The following PI4K2A variants were observed in gnomAD, a reference collection of about 807,000 sequenced individuals.
PI4K2A encodes phosphatidylinositol 4-kinase type 2 alpha.
A neutral mutation model predicts 55.0 loss-of-function variants in PI4K2A; 20 were observed. The observed-to-expected ratio is 0.36, with a 90% CI of 0.26 to 0.53. The LOEUF is 0.53. PI4K2A is among the 20% of genes least tolerant of loss of function. The pLI is 0.91. For missense variants in PI4K2A, 463 were observed against 637.1 expected (o/e 0.73, Z 2.94); for synonymous variants, 235 against 258.5 (o/e 0.91, Z 0.87).
intron 2 of PI4K2A, among the ~76,000 whole-genome samples, chr10:97,654,407 A>G (rs527322767): frequency 1.4e-4 from 22 of 152,230 alleles, no homozygotes; most frequent in African/African-American, 5.3e-4. Context: ...TAGGTAGTCT[A>G]TTAATACTAG....
At chr10:97,663,255 C>G (rs528803714) in intron 5 of PI4K2A, among the ~76,000 whole-genome samples, 4 of 152,300 alleles carry the variant, frequency 2.6e-5, no homozygotes, top group South Asian at 2.1e-4. Context: ...TAGTAAAGGT[C>G]TGAGAAGTAC....
exon 1 of PI4K2A, chr10:97,640,919 G>T: frequency 7.6e-7 from 1 of 1,317,208 alleles, no homozygotes. Flanking sequence ...GCGAGCGGCA[G>T]CCACTGTTGG....
chr10:97,675,809 C>T (rs1043442033), exon 9 of PI4K2A: 2 of 152,712 alleles, frequency 1.3e-5, no homozygotes, highest in African/African-American at 4.8e-5. Context: ...AGCCTGTGCT[C>T]AGGTTGCCTT....
At chr10:97,646,629 C>T (rs546631571) in intron 1 of PI4K2A, among the ~76,000 whole-genome samples, 58 of 152,332 alleles carry the variant, frequency 3.8e-4, no homozygotes, top group South Asian at 8.3e-4. Flanking sequence ...GTATATTTCA[C>T]TGTGCGATGT....
intron 8 of PI4K2A, 50 bp from the exon 9 acceptor site, chr10:97,673,531 T>A (rs746931451): frequency 6.5e-7 from 1 of 1,528,002 alleles, no homozygotes. Flanking sequence ...CAGAGGCAGA[T>A]CTGGAATGCT....
At chr10:97,671,671 G>T (rs561320403) in intron 8 of PI4K2A, among the ~76,000 whole-genome samples, 50 of 152,146 alleles carry the variant, frequency 3.3e-4, no homozygotes, top group African/African-American at 1.2e-3. Context: ...ATGGAGTCTT[G>T]CTCATTTGCT....
At chr10:97,663,076 G>T in intron 5 of PI4K2A, 108 bp downstream of exon 5, 1 of 766,844 alleles carries the variant, frequency 1.3e-6, no homozygotes, top group Non-Finnish European at 2.3e-6. Flanking sequence ...GAATCGGGGG[G>T]CGCATATGTT....
intron 1 of PI4K2A, among the ~76,000 whole-genome samples, chr10:97,642,876 T>TTCCTTCCTTC (rs2041483001): frequency 1.6e-5 from 2 of 123,428 alleles, no homozygotes; most frequent in South Asian, 2.5e-4. Context: ...TTTCTTTCTT[T>TTCCTTCCTTC]CTTTCTTTCT....
At position 97,646,900 on chromosome 10, in the gene PI4K2A, G is replaced by A. The variant is rs552331722; in HGVS notation, c.436-4041G>A. On this transcript the variant is annotated intron_variant, in intron 1 of 8. Coordinates refer to ENST00000370631, the Ensembl canonical transcript of PI4K2A. ...AGCGATTCTCCCGCCTCAGCCTCCTGAGTAGCTGGTACTACAGGTGCATGC... is the reference window on the plus strand; with the variant it reads ...AGCGATTCTCCCGCCTCAGCCTCCTAAGTAGCTGGTACTACAGGTGCATGC... Among the ~76,000 whole-genome samples, 10 of 151,942 alleles carry A rather than the reference G, an allele frequency of 6.6e-5. No individual in the cohort carries two copies. In the East Asian group the frequency reaches 1.7e-3, roughly 27 times the overall value.
chr10:97,652,625 A>T (rs1387811943), intron 2 of PI4K2A, among the ~76,000 whole-genome samples: 1 of 152,138 alleles, frequency 6.6e-6, no homozygotes, highest in African/African-American at 2.4e-5. Flanking sequence ...TCAGGTTTAG[A>T]TAGCAGATTC....
intron 1 of PI4K2A, among the ~76,000 whole-genome samples, chr10:97,650,363 C>A (rs2041525286): frequency 6.7e-6 from 1 of 148,872 alleles, no homozygotes; most frequent in Non-Finnish European, 1.5e-5. Context: ...CTCACTGCAA[C>A]CTCCGCCCCA....
At chr10:97,654,088 C>T (rs1335474835) in intron 2 of PI4K2A, among the ~76,000 whole-genome samples, 1 of 152,222 alleles carries the variant, frequency 6.6e-6, no homozygotes, top group African/African-American at 2.4e-5. Context: ...ACAAGGTTCA[C>T]ATTGCATTGG....
Position 97,663,047 on chromosome 10 carries a change from A to G in PI4K2A, c.984+79A>G, listed in dbSNP as rs776235110. ...AAACACATAAAATGGTCAGAGATGT[A>G]GTTCATACAAGTTCAGAAGAATCGG... On this transcript the variant is annotated intron_variant, in intron 5 of 8. Coordinates refer to ENST00000370631, the Ensembl canonical transcript of PI4K2A. The G allele has an allele frequency of 1.1e-4, 96 of 912,222 alleles. 1 individual carries two copies. The highest frequency in any genetic ancestry group is 1.7e-4 in the Non-Finnish European group (95 of 549,512). 56.5% of individuals were successfully genotyped at this position (912,222 alleles called of 1,614,324 possible).
exon 1 of PI4K2A, chr10:97,640,709 A>T: frequency 7.0e-7 from 1 of 1,421,238 alleles, no homozygotes; most frequent in Non-Finnish European, 9.3e-7. Flanking sequence ...AGTGGTGTGG[A>T]GCGCGCCGGG....
At chr10:97,664,409 A>G (rs2041600627) in intron 5 of PI4K2A, among the ~76,000 whole-genome samples, 1 of 152,232 alleles carries the variant, frequency 6.6e-6, no homozygotes, top group Admixed American at 6.5e-5. Context: ...TCCCTTGTGC[A>G]AGAGCAGCCA....
At chr10:97,640,730 G>A (rs974038494) in exon 1 of PI4K2A, 2 of 1,479,334 alleles carry the variant, frequency 1.4e-6, no homozygotes, top group Admixed American at 2.4e-5. Flanking sequence ...TCCCGGAGCC[G>A]GCTGTCTGAG....
At chr10:97,660,041 A>G (rs1278002979) in intron 4 of PI4K2A, among the ~76,000 whole-genome samples, 13 of 126,166 alleles carry the variant, frequency 1.0e-4, no homozygotes, top group Non-Finnish European at 1.7e-4. Context: ...TCGCTCTGTC[A>G]CCCAGGCTGG....
chr10:97,673,779 G>T, exon 9 of PI4K2A: 1 of 1,602,592 alleles, frequency 6.2e-7, no homozygotes, highest in Non-Finnish European at 8.5e-7. Context: ...GTCAGAGACT[G>T]GTGGGAGGAA....
At chr10:97,645,236 A>C (rs1479731423) in intron 1 of PI4K2A, among the ~76,000 whole-genome samples, 1 of 152,194 alleles carries the variant, frequency 6.6e-6, no homozygotes, top group Admixed American at 6.5e-5. Flanking sequence ...TAGTTGGGGC[A>C]GCTCAATCAG....
Sources: gnomAD v4.1 joint callset for allele counts (sites outside exome capture counted in the v4.1 genomes callset) on GRCh38, gnomAD v4.1.1 for gene constraint, MANE v1.5 for transcripts, NCBI Gene and HGNC (gene_info 2026-07-23, HGNC 2026-07-21) for gene names.